Variants in PPP1R9A observed in about 807,000 individuals in gnomAD.
The protein encoded by PPP1R9A is neurabin-1.
Under a neutral mutation model 141.9 loss-of-function variants are expected in PPP1R9A, and 59 were observed. The observed-to-expected ratio is 0.42, with a 90% CI of 0.34 to 0.52. The LOEUF is 0.52. Ranked by LOEUF, PPP1R9A falls within the 20% of genes least tolerant of loss-of-function variation. PPP1R9A has a pLI of 0.10. For synonymous variants in PPP1R9A, 500 were observed against 569.7 expected, an observed-to-expected ratio of 0.88 and a Z score of 1.74; for missense variants, 1,444 against 1,611.9, an observed-to-expected ratio of 0.90 and a Z score of 1.78.
At chr7:95,125,435 A>G (rs1248861170) in intron 4 of PPP1R9A, among the ~76,000 whole-genome samples, 4 of 152,160 alleles carry the variant, frequency 2.6e-5, no homozygotes, top group African/African-American at 9.7e-5. Flanking sequence ...ATAATATTAA[A>G]TACATTGACT....
intron 4 of PPP1R9A, among the ~76,000 whole-genome samples, chr7:95,121,145 G>A (rs112015037): frequency 6.6e-6 from 1 of 152,164 alleles, no homozygotes; most frequent in Non-Finnish European, 1.5e-5. Flanking sequence ...ATGGAGGTCA[G>A]CACATAGTTT....
intron 1 of PPP1R9A, among the ~76,000 whole-genome samples, chr7:94,908,866 G>A (rs928119590): frequency 4.6e-5 from 7 of 152,240 alleles, no homozygotes; most frequent in Non-Finnish European, 1.0e-4. Context: ...GCTGGGCCAG[G>A]AGCCGAGTTT....
At chr7:94,988,786 T>C (rs1420946551) in intron 2 of PPP1R9A, among the ~76,000 whole-genome samples, 1 of 151,704 alleles carries the variant, frequency 6.6e-6, no homozygotes, top group Non-Finnish European at 1.5e-5. Context: ...CATATACATA[T>C]ACTTATACTG....
intron 4 of PPP1R9A, among the ~76,000 whole-genome samples, chr7:95,123,658 A>C (rs1823033511): frequency 6.6e-6 from 1 of 152,110 alleles, no homozygotes; most frequent in Admixed American, 6.5e-5. Context: ...CAAAAACAAA[A>C]AACAAAAAAA....
intron 2 of PPP1R9A, among the ~76,000 whole-genome samples, chr7:95,076,009 G>A (rs565502706): frequency 7.9e-5 from 12 of 152,232 alleles, no homozygotes; most frequent in African/African-American, 2.9e-4. Flanking sequence ...TGGAAGAGGA[G>A]AACACCTTCA....
At chr7:94,956,261 C>T (rs1156972387) in intron 2 of PPP1R9A, among the ~76,000 whole-genome samples, 1 of 152,030 alleles carries the variant, frequency 6.6e-6, no homozygotes, top group African/African-American at 2.4e-5. Context: ...AATTAAGAAC[C>T]TTCTTTTTAT....
chr7:95,215,754 G>A (rs1406492546), intron 7 of PPP1R9A, among the ~76,000 whole-genome samples: 1 of 152,196 alleles, frequency 6.6e-6, no homozygotes, highest in Non-Finnish European at 1.5e-5. Flanking sequence ...ATGTCTGTTG[G>A]CTGCATAAAT....
Position 95,089,970 on chromosome 7 carries a change from T to C in PPP1R9A, c.1396-21289T>C, listed in dbSNP as rs567356597. On this transcript the variant is annotated intron_variant, in intron 2 of 19. Transcript: ENST00000433360. ...ATGTTTCTCAGCATGAGCAGTAGTT[T>C]TCCAGACCCTCAGCCAAATGTCTGA... Among the ~76,000 whole-genome samples the C allele has an allele frequency of 2.6e-5, 4 of 152,002 alleles. No homozygotes were observed. In the South Asian group the frequency reaches 8.3e-4, roughly 32 times the overall value.
intron 2 of PPP1R9A, among the ~76,000 whole-genome samples, chr7:94,939,847 C>G (rs1042861724): frequency 1.4e-5 from 2 of 145,196 alleles, no homozygotes; most frequent in African/African-American, 5.0e-5. Context: ...CACACACACA[C>G]ACGTCCCAGG....
At chr7:95,020,181 A>G (rs1276761842) in intron 2 of PPP1R9A, among the ~76,000 whole-genome samples, 1 of 152,154 alleles carries the variant, frequency 6.6e-6, no homozygotes, top group Non-Finnish European at 1.5e-5. Flanking sequence ...CTGTAGTGAC[A>G]TAAAGCAGAT....
intron 2 of PPP1R9A, among the ~76,000 whole-genome samples, chr7:94,960,968 T>C (rs1442716797): frequency 6.6e-6 from 1 of 151,712 alleles, no homozygotes; most frequent in East Asian, 1.9e-4. Flanking sequence ...TGTAGACCCA[T>C]TTATTGGCAG....
intron 3 of PPP1R9A, among the ~76,000 whole-genome samples, chr7:95,118,008 T>C (rs190494334): frequency 6.6e-5 from 10 of 152,226 alleles, no homozygotes; most frequent in Admixed American, 5.9e-4. Context: ...TCATCCTTCA[T>C]CAGTGTGAAA....
chr7:94,919,399 C>T (rs1464726078), intron 2 of PPP1R9A, among the ~76,000 whole-genome samples: 1 of 150,852 alleles, frequency 6.6e-6, no homozygotes, highest in Non-Finnish European at 1.5e-5. Flanking sequence ...CTTGCCTCAC[C>T]CTCCCAAAAT....
At chr7:95,228,886 A>C (rs1423303962) in intron 8 of PPP1R9A, among the ~76,000 whole-genome samples, 1 of 152,156 alleles carries the variant, frequency 6.6e-6, no homozygotes, top group Non-Finnish European at 1.5e-5. Context: ...TACATACATA[A>C]GTTACCTAAG....
chr7:94,910,726 C>G lies in PPP1R9A; in HGVS notation c.613C>G (p.Leu205Val). The G allele has an allele frequency of 6.2e-7, 1 of 1,614,180 alleles. No individual in the cohort carries two copies. Among genetic ancestry groups the G allele is most frequent in the South Asian group, 1.1e-5 (1 of 91,076 alleles). ...GGCTGTCTCCCCAACTGTGAGTCAA[C>G]TGAGTGCAGTATTTGAGAACACTGA... ...TEAVSPTVSQ[L>V]SAVFENTDSP... Residue 205 changes from leucine (L) to valine (V), a missense_variant, in exon 2 of 20, where the codon CTG becomes GTG. Leu to Val is a conservative substitution (Grantham distance 32, BLOSUM62 1). Coordinates refer to ENST00000433360, the MANE Select transcript of PPP1R9A (RefSeq NM_001166160.2). The surrounding 1 kb of genome is among the most constrained non-coding windows in gnomAD (Gnocchi z 4.5).
At chr7:95,106,973 G>A (rs113699325) in intron 2 of PPP1R9A, among the ~76,000 whole-genome samples, 3,211 of 151,970 alleles carry the variant, frequency 0.021, 44 homozygotes, top group South Asian at 0.055. Context: ...GTAGAGATGG[G>A]GTTTCGCCAT....
intron 4 of PPP1R9A, among the ~76,000 whole-genome samples, chr7:95,142,706 T>A (rs987700705): frequency 1.3e-5 from 2 of 152,186 alleles, no homozygotes; most frequent in African/African-American, 4.8e-5. Flanking sequence ...TTAATTTTTT[T>A]AATGAGTGAT....
At chr7:95,097,572 A>G (rs746443828) in intron 2 of PPP1R9A, among the ~76,000 whole-genome samples, 8 of 152,198 alleles carry the variant, frequency 5.3e-5, no homozygotes, top group Non-Finnish European at 7.3e-5. Flanking sequence ...TCGAGATATG[A>G]TACATACATA....
At chr7:94,962,700 T>TA (rs1210412997) in intron 2 of PPP1R9A, among the ~76,000 whole-genome samples, 1 of 151,970 alleles carries the variant, frequency 6.6e-6, no homozygotes, top group Non-Finnish European at 1.5e-5. Context: ...ATGTGTAATC[T>TA]AAAAAAAATT....
Sources: gnomAD v4.1 joint callset for allele counts (sites outside exome capture counted in the v4.1 genomes callset) on GRCh38, gnomAD v4.1.1 for gene constraint, Gnocchi (gnomAD v3.1) non-coding constraint, MANE v1.5 for transcripts, NCBI Gene and HGNC (gene_info 2026-07-23, HGNC 2026-07-21) for gene names.